The following FARP1 variants were observed in gnomAD, a reference collection of about 807,000 sequenced individuals.
FARP1 encodes FERM, ARHGEF and pleckstrin domain-containing protein 1.
FARP1 carries 52 observed loss-of-function variants against 128.8 expected under a neutral mutation model. That is an observed-to-expected ratio of 0.40 (90% CI 0.32 to 0.51). The LOEUF is 0.51. Among genes scored for constraint, FARP1 ranks in the 20% least tolerant of loss-of-function variants. The probability of loss-of-function intolerance (pLI) is 0.45; values close to 1 mark genes in which losing one functional copy is unlikely to be tolerated. For missense variants in FARP1, 1,333 were observed against 1,367.9 expected (o/e 0.97, Z 0.40); for synonymous variants, 580 against 551.8 (o/e 1.05, Z -0.72).
intron 2 of FARP1, among the ~76,000 whole-genome samples, chr13:98,290,078 G>A (rs1453301684): frequency 6.7e-6 from 1 of 149,712 alleles, no homozygotes; most frequent in Non-Finnish European, 1.5e-5. Context: ...TTTGGTGTTG[G>A]GTGGCGAGGA....
intron 14 of FARP1, 58 bp from the exon 15 acceptor site, chr13:98,410,676 C>G: frequency 1.2e-6 from 1 of 817,190 alleles, no homozygotes; most frequent in Admixed American, 2.1e-5. Context: ...AGGACATTCT[C>G]CGAGACGCAT....
At chr13:98,306,047 G>A (rs1886139926) in intron 2 of FARP1, among the ~76,000 whole-genome samples, 1 of 152,200 alleles carries the variant, frequency 6.6e-6, no homozygotes, top group Non-Finnish European at 1.5e-5. Context: ...TATGAAAGAA[G>A]TGATGGGGTT....
intron 13 of FARP1, chr13:98,403,837 A>C (rs970501315): frequency 2.0e-5 from 3 of 152,164 alleles, no homozygotes; most frequent in African/African-American, 7.2e-5. Context: ...TCTCTTGTTG[A>C]TCTAAACTGA....
intron 1 of FARP1, among the ~76,000 whole-genome samples, chr13:98,186,991 CAAAAAAAA>C (rs33992037): frequency 4.2e-5 from 2 of 47,832 alleles, no homozygotes; most frequent in African/African-American, 7.7e-5. Flanking sequence ...GATTCTGTCT[CAAAAAAAA>C]AAAAAAAAAA....
chr13:98,351,766 G>A (rs1302653353), intron 3 of FARP1, among the ~76,000 whole-genome samples: 1 of 152,050 alleles, frequency 6.6e-6, no homozygotes, highest in Non-Finnish European at 1.5e-5. Flanking sequence ...GAGAGCAATT[G>A]GGGGTGGGGA....
chr13:98,228,697 T>G (rs1326152784), intron 2 of FARP1, among the ~76,000 whole-genome samples: 3 of 152,100 alleles, frequency 2.0e-5, no homozygotes, highest in Admixed American at 6.5e-5. Context: ...AAAAAGTTAA[T>G]GGAACTTTTT....
chr13:98,166,587 T>G (rs1158237858), intron 1 of FARP1, among the ~76,000 whole-genome samples: 1 of 152,212 alleles, frequency 6.6e-6, no homozygotes, highest in Non-Finnish European at 1.5e-5. Context: ...GAGCAGAGAT[T>G]TGAACCCACA....
intron 2 of FARP1, among the ~76,000 whole-genome samples, chr13:98,332,137 A>G (rs1275868909): frequency 2.6e-5 from 4 of 152,122 alleles, no homozygotes; most frequent in Admixed American, 2.6e-4. Flanking sequence ...GGTATTAAGT[A>G]TGTTTATGTT....
At chr13:98,439,356 C>T (rs1892427345) in intron 21 of FARP1, among the ~76,000 whole-genome samples, 160 bp downstream of exon 21, 1 of 152,188 alleles carries the variant, frequency 6.6e-6, no homozygotes, top group Admixed American at 6.5e-5. Flanking sequence ...CCATCGAAGA[C>T]CATACAACCC....
chr13:98,167,273 C>T (rs1173283385), intron 1 of FARP1, among the ~76,000 whole-genome samples: 19 of 152,056 alleles, frequency 1.2e-4, no homozygotes, highest in Admixed American at 1.2e-3. Flanking sequence ...AGAAAATCAG[C>T]CCTTTATAAT....
At chr13:98,394,427 G>A (rs1343215558) in intron 12 of FARP1, among the ~76,000 whole-genome samples, 1 of 152,182 alleles carries the variant, frequency 6.6e-6, no homozygotes, top group Non-Finnish European at 1.5e-5. Flanking sequence ...TTGCCTTCAG[G>A]GGTCCCTGAT....
chr13:98,333,275 T>C (rs371852810), intron 2 of FARP1: 15 of 152,336 alleles, frequency 9.8e-5, no homozygotes, highest in African/African-American at 3.4e-4. Flanking sequence ...TAGAATTTTT[T>C]ATTCATCTAC....
chr13:98,299,473 CA>C (rs1885834386), intron 2 of FARP1, among the ~76,000 whole-genome samples: 1 of 152,168 alleles, frequency 6.6e-6, no homozygotes. Context: ...ATTACGCCTT[CA>C]AATTATTCCT....
rs768247428 is a variant in FARP1 at position 98,177,047 on chromosome 13, G to T, written c.-24+33555G>T. ...CAGCTGTGGAGGCCCCGGGGCCTCG[G>T]TGCCACCCGCGGGGGCTGAGCCACT... On this transcript the variant is annotated intron_variant, in intron 1 of 26. Coordinates refer to ENST00000319562, the MANE Select transcript of FARP1 (RefSeq NM_005766.4). 2.5e-6 allele frequency: 4 copies of T among 1,594,194 alleles called. No individual in the cohort carries two copies. In the South Asian group the frequency reaches 4.4e-5, roughly 18 times the overall value.
intron 17 of FARP1, among the ~76,000 whole-genome samples, chr13:98,424,893 G>GTT (rs10700673): frequency 3.4e-4 from 50 of 147,506 alleles, no homozygotes; most frequent in African/African-American, 9.6e-4. Context: ...TGATTTTGGG[G>GTT]TTTTTTTTTT....
At chr13:98,284,312 A>G (rs1594357964) in intron 2 of FARP1, among the ~76,000 whole-genome samples, 1 of 152,012 alleles carries the variant, frequency 6.6e-6, no homozygotes, top group African/African-American at 2.4e-5. Flanking sequence ...TGGATAACCA[A>G]TGCCACCACC....
intron 2 of FARP1, among the ~76,000 whole-genome samples, chr13:98,278,195 T>TGTGTGTGTA (rs1566825660): frequency 7.1e-6 from 1 of 141,812 alleles, no homozygotes; most frequent in African/African-American, 2.9e-5. Flanking sequence ...GTGTGTATGT[T>TGTGTGTGTA]CTGTGTGTCT....
At chr13:98,143,795 C>T (rs1417226241) in intron 1 of FARP1, among the ~76,000 whole-genome samples, 2 of 151,788 alleles carry the variant, frequency 1.3e-5, no homozygotes, top group African/African-American at 4.8e-5. Context: ...CCCCGCTCGC[C>T]TCCCCCGACC....
chr13:98,299,096 T>C (rs1885817024), intron 2 of FARP1, among the ~76,000 whole-genome samples: 1 of 152,158 alleles, frequency 6.6e-6, no homozygotes, highest in African/African-American at 2.4e-5. Context: ...TCAGAAAATA[T>C]TGATTATATT....
Sources: allele counts gnomAD v4.1 joint callset (sites outside exome capture counted in the v4.1 genomes callset), GRCh38; gene constraint gnomAD v4.1.1; transcripts MANE v1.5; gene names NCBI Gene and HGNC (gene_info 2026-07-23, HGNC 2026-07-21).